Variants in OPHN1 observed in about 807,000 individuals in gnomAD.
OPHN1 encodes oligophrenin 1, also known as oligophrenin-1.
In OPHN1, 11 loss-of-function variants were observed where a neutral mutation model predicts 60.7. The ratio of observed to expected loss-of-function variants is 0.18; its 90% CI spans 0.11 to 0.30. OPHN1 has a LOEUF of 0.30. Among genes scored for constraint, OPHN1 ranks in the 10% least tolerant of loss-of-function variants. The pLI is 1.00. For synonymous variants in OPHN1, 226 were observed against 222.6 expected (o/e 1.02, Z -0.14); for missense variants, 449 against 611.0 (o/e 0.73, Z 2.80).
chrX:68,340,855 A>G (rs1286321284), intron 2 of OPHN1, among the ~76,000 whole-genome samples: 2 of 109,372 alleles, frequency 1.8e-5, no homozygotes, highest in African/African-American at 6.7e-5. Flanking sequence ...AATACAACAA[A>G]TTAGCCAGGC....
intron 19 of OPHN1, among the ~76,000 whole-genome samples, chrX:68,085,925 C>A (rs1028774769): frequency 1.8e-5 from 2 of 111,352 alleles, no homozygotes; most frequent in African/African-American, 6.5e-5. Flanking sequence ...AAGCCTGTAA[C>A]CCCAGCACTT....
intron 2 of OPHN1, among the ~76,000 whole-genome samples, chrX:68,312,252 ATTTTTTT>A (rs1238021221): frequency 2.9e-5 from 2 of 69,828 alleles, no homozygotes; most frequent in African/African-American, 6.7e-5. Context: ...GGCTCGGCTA[ATTTTTTT>A]TTTTTTTTTT....
At chrX:68,305,360 C>T (rs2078140129) in intron 2 of OPHN1, among the ~76,000 whole-genome samples, 1 of 112,143 alleles carries the variant, frequency 8.9e-6, no homozygotes, top group African/African-American at 3.2e-5. Context: ...AGAGAGAGAC[C>T]CCATCTCAAA....
intron 6 of OPHN1, among the ~76,000 whole-genome samples, chrX:68,222,699 A>G (rs1363923932): frequency 3.0e-5 from 3 of 101,581 alleles, no homozygotes; most frequent in Admixed American, 1.1e-4. Context: ...AACACCTCAT[A>G]TTCTCACTCA....
intron 6 of OPHN1, among the ~76,000 whole-genome samples, chrX:68,228,476 C>G (rs1268028212): frequency 1.8e-5 from 2 of 111,452 alleles, no homozygotes; most frequent in Non-Finnish European, 3.8e-5. Flanking sequence ...AATTTTAGAC[C>G]AATATCCCTG....
intron 15 of OPHN1, among the ~76,000 whole-genome samples, chrX:68,170,040 A>G (rs2077381968): frequency 9.1e-6 from 1 of 109,403 alleles, no homozygotes; most frequent in Non-Finnish European, 1.9e-5. Flanking sequence ...CATCTGACAA[A>G]GGGCTAATAT....
At chrX:68,395,894 T>C in intron 2 of OPHN1, among the ~76,000 whole-genome samples, 1 of 111,616 alleles carries the variant, frequency 9.0e-6, no homozygotes, top group Non-Finnish European at 1.9e-5. Context: ...CCATTAAGTT[T>C]AAGTATTTTC....
At chrX:68,068,922 G>A (rs1157224809) in intron 20 of OPHN1, among the ~76,000 whole-genome samples, 1 of 111,988 alleles carries the variant, frequency 8.9e-6, no homozygotes, top group Non-Finnish European at 1.9e-5. Flanking sequence ...ACTGTCAGAG[G>A]TTGGGGGAGA....
chrX:68,329,251 T>C (rs901587211), intron 2 of OPHN1, among the ~76,000 whole-genome samples: 9 of 112,113 alleles, frequency 8.0e-5, no homozygotes, highest in Admixed American at 2.8e-4. Context: ...ATGGATAAAG[T>C]GGATAGTCTT....
chrX:68,243,131 C>T (rs1038265242), intron 5 of OPHN1, among the ~76,000 whole-genome samples: 2 of 110,877 alleles, frequency 1.8e-5, no homozygotes, highest in African/African-American at 6.6e-5. Flanking sequence ...TCCCAAAGTG[C>T]TAGGATTACA....
intron 10 of OPHN1, among the ~76,000 whole-genome samples, chrX:68,203,562 A>T (rs2077544938): frequency 9.0e-6 from 1 of 111,376 alleles, no homozygotes; most frequent in Admixed American, 9.6e-5. Flanking sequence ...TTTCAAAATG[A>T]GAGTTATGAG....
intron 2 of OPHN1, among the ~76,000 whole-genome samples, chrX:68,417,390 C>T (rs1343643316): frequency 2.7e-5 from 3 of 112,303 alleles, no homozygotes. Context: ...CCACGCCCAA[C>T]CTCAAGTGAC....
chrX:68,178,871 T>A (rs910294504), intron 15 of OPHN1, among the ~76,000 whole-genome samples: 1 of 112,373 alleles, frequency 8.9e-6, no homozygotes, highest in Admixed American at 9.4e-5. Flanking sequence ...CATATAAACA[T>A]CAGAAGCAGA....
intron 20 of OPHN1, among the ~76,000 whole-genome samples, chrX:68,067,385 T>C (rs896436872): frequency 1.2e-4 from 13 of 109,781 alleles, no homozygotes; most frequent in Non-Finnish European, 2.3e-4. Context: ...GGAGGTGAGG[T>C]TGTTGCAATA....
intron 5 of OPHN1, among the ~76,000 whole-genome samples, chrX:68,273,806 C>T (rs1315555626): frequency 3.6e-5 from 4 of 111,807 alleles, no homozygotes; most frequent in Admixed American, 1.9e-4. Flanking sequence ...TGTTCTAGCA[C>T]TGCTATAAAG....
At chrX:68,222,468 A>G (rs1489542854) in intron 6 of OPHN1, among the ~76,000 whole-genome samples, 7 of 104,252 alleles carry the variant, frequency 6.7e-5, no homozygotes, top group African/African-American at 2.5e-4. Flanking sequence ...TGCTATAAAG[A>G]CACATGCACA....
intron 2 of OPHN1, among the ~76,000 whole-genome samples, chrX:68,351,757 C>T (rs181838211): frequency 1.8e-5 from 2 of 111,258 alleles, no homozygotes; most frequent in Non-Finnish European, 3.8e-5. Flanking sequence ...AGTGCAGTGC[C>T]GCGATCTCGG....
At chrX:68,058,875 A>G (rs2076883103) in intron 21 of OPHN1, among the ~76,000 whole-genome samples, 1 of 112,194 alleles carries the variant, frequency 8.9e-6, no homozygotes, top group African/African-American at 3.2e-5. Flanking sequence ...TGAAAGCAAA[A>G]CAACTGCTAT....
At chrX:68,365,291 A>G (rs1362102941) in intron 2 of OPHN1, among the ~76,000 whole-genome samples, 1 of 105,555 alleles carries the variant, frequency 9.5e-6, no homozygotes, top group African/African-American at 3.4e-5. Context: ...TACAAAAAGG[A>G]AAAAAAAAAA....
Sources: allele counts gnomAD v4.1 joint callset (sites outside exome capture counted in the v4.1 genomes callset), GRCh38; gene constraint gnomAD v4.1.1; transcripts MANE v1.5; gene names NCBI Gene and HGNC (gene_info 2026-07-23, HGNC 2026-07-21).